The following SENP2 variants were observed in gnomAD, a reference collection of about 807,000 sequenced individuals.
SENP2 encodes sentrin-specific protease 2.
In SENP2, 16 loss-of-function variants were observed where a neutral mutation model predicts 86.3. That is an observed-to-expected ratio of 0.19 (90% confidence interval 0.13 to 0.28). SENP2 has a LOEUF of 0.28. Among genes scored for constraint, SENP2 ranks in the 10% least tolerant of loss-of-function variants. The probability of loss-of-function intolerance (pLI) is 1.00; values close to 1 mark genes in which losing one functional copy is unlikely to be tolerated. For synonymous variants in SENP2, 222 were observed against 238.7 expected (o/e 0.93, Z 0.64); for missense variants, 552 against 703.0 (o/e 0.79, Z 2.43).
chr3:185,611,420 AT>A, intron 7 of SENP2: 1 of 378,694 alleles, frequency 2.6e-6, no homozygotes, highest in Admixed American at 4.1e-5. Flanking sequence ...AGAACCTCTG[AT>A]TTTACAAACA....
At chr3:185,617,035 GTA>G (rs1711640504) in intron 11 of SENP2, among the ~76,000 whole-genome samples, 1 of 152,130 alleles carries the variant, frequency 6.6e-6, no homozygotes, top group Non-Finnish European at 1.5e-5. Flanking sequence ...TTAATACGTA[GTA>G]GTAGGAAAAT....
chr3:185,611,441 G>C (rs1308869231), intron 7 of SENP2: 3 of 399,446 alleles, frequency 7.5e-6, no homozygotes, highest in African/African-American at 2.0e-5. Flanking sequence ...AGAGAAACTG[G>C]AGGTTAGGTG....
At chr3:185,616,087 T>C (rs1711590603) in intron 11 of SENP2, among the ~76,000 whole-genome samples, 1 of 145,700 alleles carries the variant, frequency 6.9e-6, no homozygotes, top group Non-Finnish European at 1.5e-5. Flanking sequence ...GGTCTCGAAC[T>C]CCTGACCTCA....
At chr3:185,624,457 C>G (rs1277237735) in intron 15 of SENP2, among the ~76,000 whole-genome samples, 1 of 152,014 alleles carries the variant, frequency 6.6e-6, no homozygotes, top group Non-Finnish European at 1.5e-5. Context: ...GGGAAGAAAC[C>G]CAATACATTG....
In SENP2 at chr3:185,631,065, T is replaced by G. The variant is rs188853019; in HGVS notation, c.*1221T>G. 163 of 152,316 alleles carry G rather than the reference T, an allele frequency of 1.1e-3. No individual in the cohort carries two copies. The highest frequency in any genetic ancestry group is 3.6e-3 in the African/African-American group (148 of 41,546). 9.4% of individuals were successfully genotyped at this position (152,316 alleles called of 1,614,324 possible). On this transcript the variant is annotated 3_prime_UTR_variant, in exon 17 of 17. Transcript: ENST00000296257. ...GATCTAGTGCCTAGTGTTGCTTTTC[T>G]GATGTAATAAAAGGTGGTCTGGCAG...
chr3:185,594,191 TG>T (rs1722102416), intron 2 of SENP2, among the ~76,000 whole-genome samples: 1 of 151,934 alleles, frequency 6.6e-6, no homozygotes, highest in African/African-American at 2.4e-5. Flanking sequence ...ACACAAACGT[TG>T]GTATTACAGA....
At position 185,612,667 on chromosome 3, in the gene SENP2, AT is replaced by A; in HGVS notation, c.869+11del. ...TTGAGAAGTGAAAAGAGGTACGTAC[AT>A]TCAGTTCATTCTACACTTTCTTTTA... On this transcript the variant is annotated intron_variant, in intron 9 of 16. Transcript: ENST00000296257. The A allele has an allele frequency of 6.4e-7, 1 of 1,574,056 alleles. No homozygotes were observed. The highest frequency in any genetic ancestry group is 8.7e-7 in the Non-Finnish European group (1 of 1,144,440).
chr3:185,591,004 A>G (rs1490632662), intron 2 of SENP2, among the ~76,000 whole-genome samples: 1 of 119,558 alleles, frequency 8.4e-6, no homozygotes, highest in East Asian at 2.6e-4. Context: ...TCCCAGGTTC[A>G]CGCCATTCTC....
At chr3:185,621,331 T>TA (rs11388775) in intron 13 of SENP2, among the ~76,000 whole-genome samples, 38,783 of 122,372 alleles carry the variant, frequency 0.32, 6,044 homozygotes, top group African/African-American at 0.37. Context: ...CATTTTTAAC[T>TA]AAAAAAAAAA....
chr3:185,612,729 A>T, intron 9 of SENP2, 71 bp downstream of exon 9: 1 of 1,116,772 alleles, frequency 9.0e-7, no homozygotes, highest in Non-Finnish European at 1.3e-6. Context: ...TGTATTTATG[A>T]GTAAGCAGTT....
chr3:185,610,234 C>G (rs1722643638), intron 7 of SENP2, among the ~76,000 whole-genome samples: 1 of 146,602 alleles, frequency 6.8e-6, no homozygotes, highest in African/African-American at 2.5e-5. Context: ...AATCTCAGCT[C>G]ACTGCAATCT....
In SENP2 at chr3:185,619,499, G is replaced by C. The variant is rs975968600; in HGVS notation, c.1443G>C (p.Leu481=). ...VPIHRKVHWS[L]VVIDLRKKCL... ...TTCATCGGAAGGTACATTGGAGCCT[G>C]GTGGTGAGTAGAGAGGGTTAATGGT... The change falls in exon 13 of 17, where the codon CTG becomes CTC. Residue 481 remains leucine, a synonymous_variant. Coordinates refer to ENST00000296257, the MANE Select transcript of SENP2 (RefSeq NM_021627.3). 1 of 1,613,584 alleles carries C rather than the reference G, an allele frequency of 6.2e-7. No individual in the cohort carries two copies. Among genetic ancestry groups the C allele is most frequent in the African/African-American group, 1.3e-5 (1 of 75,036 alleles).
chr3:185,612,956 A>G (rs568310846), intron 9 of SENP2, among the ~76,000 whole-genome samples: 21 of 152,368 alleles, frequency 1.4e-4, no homozygotes, highest in Non-Finnish European at 2.9e-4. Context: ...GGATAGGAAC[A>G]GTAAAGGCAG....
In SENP2 at chr3:185,621,903, C is replaced by G. The variant is rs561910560; in HGVS notation, c.1524C>G (p.Leu508=). 6.2e-7 allele frequency: 1 copy of G among 1,606,836 alleles called. No homozygotes were observed. The highest frequency in any genetic ancestry group is 8.5e-7 in the Non-Finnish European group (1 of 1,174,496). The change falls in exon 14 of 17, where the codon CTC becomes CTG. Residue 508 remains leucine (L), a splice_region_variant and synonymous_variant. Coordinates refer to ENST00000296257, the MANE Select transcript of SENP2 (RefSeq NM_021627.3). ...GQKGHRICEI[L]LQYLQDESKT... ...AGGGCCACAGGATCTGTGAGATTCT[C>G]CTGTAAGTAAAGGTTGAAAACCTCA...
At chr3:185,598,620 C>A in intron 3 of SENP2, 75 bp downstream of exon 3, 1 of 1,436,520 alleles carries the variant, frequency 7.0e-7, no homozygotes, top group Non-Finnish European at 9.5e-7. Flanking sequence ...ATTCTCTCTT[C>A]GAGAGTTAAT....
At chr3:185,595,931 G>A (rs1722159568) in intron 2 of SENP2, among the ~76,000 whole-genome samples, 1 of 151,510 alleles carries the variant, frequency 6.6e-6, no homozygotes, top group African/African-American at 2.4e-5. Flanking sequence ...CTCCCAAGTA[G>A]CTGGAATTAC....
rs554389243 is a variant in SENP2 at position 185,586,642 on chromosome 3, T to A, written c.101+128T>A. On this transcript the variant is annotated intron_variant, in intron 1 of 16. Transcript: ENST00000296257. The surrounding 1 kb of genome is among the most constrained non-coding windows in gnomAD (Gnocchi z 4.3). ...GGTCGCCGGGATCCTAGTGACGTAG[T>A]CGCTCCCGCCAGGCTGTAGGGAGGC... 1 of 829,510 alleles carries A rather than the reference T, an allele frequency of 1.2e-6. No individual in the cohort carries two copies. Among genetic ancestry groups the A allele is most frequent in the Admixed American group, 2.4e-5 (1 of 42,136 alleles). 51.4% of individuals were successfully genotyped at this position (829,510 alleles called of 1,614,324 possible). A position where few individuals can be genotyped will look rare whatever the true frequency, so the allele number is the denominator to read the frequency against.
Position 185,619,445 on chromosome 3 carries a change from C to T in SENP2, c.1389C>T (p.Leu463=), listed in dbSNP as rs753000724. Residue 463 remains leucine (L), a synonymous_variant, in exon 13 of 17, where the codon CTC becomes CTT. Coordinates refer to ENST00000296257, the MANE Select transcript of SENP2 (RefSeq NM_021627.3). ...AACGATGGACCAAAGGGGTAAATCT[C>T]TTTGAACAAGAAATTATTCTGGTGC... ...AVKRWTKGVN[L]FEQEIILVPI... The T allele has an allele frequency of 6.2e-6, 10 of 1,613,978 alleles. No homozygotes were observed. Among genetic ancestry groups the T allele is most frequent in the Non-Finnish European group, 7.6e-6 (9 of 1,180,010 alleles).
In SENP2 at chr3:185,594,687, T is replaced by G. The variant is rs543693744; in HGVS notation, c.158-3725T>G. ...CAGGCTGGAGTGCAGTGGCACAATC[T>G]CGGTTCACTGCAACCTCCACCTCCC... On this transcript the variant is annotated intron_variant, in intron 2 of 16. Coordinates refer to ENST00000296257, the MANE Select transcript of SENP2 (RefSeq NM_021627.3). Among the ~76,000 whole-genome samples the G allele has an allele frequency of 1.1e-3, 159 of 150,452 alleles. 1 individual carries two copies. Among genetic ancestry groups the G allele is most frequent in the African/African-American group, 3.8e-3 (157 of 40,894 alleles).
Sources: allele counts gnomAD v4.1 joint callset (sites outside exome capture counted in the v4.1 genomes callset), GRCh38; gene constraint gnomAD v4.1.1; non-coding constraint Gnocchi (gnomAD v3.1); transcripts MANE v1.5; gene names NCBI Gene and HGNC (gene_info 2026-07-23, HGNC 2026-07-21).